The following TAFA1 variants were observed in gnomAD, a reference collection of about 807,000 sequenced individuals.
The protein encoded by TAFA1 is TAFA chemokine like family member 1, also known as chemokine-like protein TAFA-1.
TAFA1 carries 4 observed loss-of-function variants against 18.5 expected under a neutral mutation model. The ratio of observed to expected loss-of-function variants is 0.22; its 90% CI spans 0.11 to 0.49. The LOEUF is 0.49. TAFA1 is among the 20% of genes least tolerant of loss of function. The probability of loss-of-function intolerance (pLI) is 0.98; values close to 1 mark genes in which losing one functional copy is unlikely to be tolerated. For missense variants in TAFA1, 147 were observed against 169.0 expected (o/e 0.87, Z 0.72); for synonymous variants, 56 against 55.2 (o/e 1.01, Z -0.06).
chr3:68,193,769 C>G (rs951656040), intron 2 of TAFA1, among the ~76,000 whole-genome samples: 4 of 151,674 alleles, frequency 2.6e-5, no homozygotes, highest in Admixed American at 6.6e-5. Flanking sequence ...GAACAGGTCT[C>G]TTCTGTATCT....
At chr3:68,365,143 C>T (rs938764931) in intron 2 of TAFA1, among the ~76,000 whole-genome samples, 13 of 152,110 alleles carry the variant, frequency 8.5e-5, no homozygotes, top group African/African-American at 2.7e-4. Flanking sequence ...ATTATCACTT[C>T]GTATACATTG....
intron 2 of TAFA1, among the ~76,000 whole-genome samples, chr3:68,407,701 C>T (rs888672887): frequency 1.3e-5 from 2 of 152,058 alleles, no homozygotes; most frequent in Non-Finnish European, 2.9e-5. Context: ...AAGCAGCAGA[C>T]CCAGGACTTG....
At chr3:68,183,875 C>A (rs545366943) in intron 2 of TAFA1, among the ~76,000 whole-genome samples, 22 of 152,216 alleles carry the variant, frequency 1.4e-4, no homozygotes, top group Non-Finnish European at 3.1e-4. Flanking sequence ...AAAATGAATG[C>A]ACAGATGTGT....
chr3:68,170,165 G>C (rs1265144108), intron 2 of TAFA1, among the ~76,000 whole-genome samples: 1 of 152,120 alleles, frequency 6.6e-6, no homozygotes, highest in Admixed American at 6.5e-5. Context: ...CCTGTCCTCA[G>C]ATCTGCAGTA....
intron 2 of TAFA1, among the ~76,000 whole-genome samples, chr3:68,097,832 G>A (rs532276580): frequency 6.6e-6 from 1 of 152,254 alleles, no homozygotes; most frequent in South Asian, 2.1e-4. Context: ...TTCCTGCAGG[G>A]AAGGGAATAA....
chr3:68,441,354 G>A (rs2071376639), intron 3 of TAFA1, among the ~76,000 whole-genome samples: 1 of 152,116 alleles, frequency 6.6e-6, no homozygotes, highest in South Asian at 2.1e-4. Flanking sequence ...GGAGCCTCTG[G>A]CAAGCCCCCA....
At chr3:68,051,188 G>C (rs1218057791) in intron 2 of TAFA1, among the ~76,000 whole-genome samples, 1 of 152,066 alleles carries the variant, frequency 6.6e-6, no homozygotes, top group African/African-American at 2.4e-5. Flanking sequence ...CCATATGCTA[G>C]GCTTAGAGTA....
At chr3:67,994,097 A>G in the TAFA1 span, among the ~76,000 whole-genome samples, 2 of 152,316 alleles carry the variant, frequency 1.3e-5, no homozygotes, top group East Asian at 1.9e-4. Context: ...AATTGTATCT[A>G]TAAGTTTTGG....
intron 3 of TAFA1, among the ~76,000 whole-genome samples, chr3:68,446,154 A>G (rs1328040685): frequency 1.3e-5 from 2 of 151,950 alleles, no homozygotes; most frequent in African/African-American, 2.4e-5. Context: ...ACGTCCTCCC[A>G]CCTCAGCCTT....
chr3:68,115,603 G>T (rs1314601427), intron 2 of TAFA1, among the ~76,000 whole-genome samples: 1 of 152,124 alleles, frequency 6.6e-6, no homozygotes, highest in African/African-American at 2.4e-5. Context: ...ATTAGCTAAG[G>T]TGCTCCTTAG....
chr3:68,373,102 C>T (rs1336165058), intron 2 of TAFA1, among the ~76,000 whole-genome samples: 1 of 152,098 alleles, frequency 6.6e-6, no homozygotes, highest in Non-Finnish European at 1.5e-5. Context: ...GGTGCAATTC[C>T]AGCCCCTAAC....
chr3:68,411,859 G>A (rs567812566), intron 2 of TAFA1, among the ~76,000 whole-genome samples: 14 of 152,158 alleles, frequency 9.2e-5, no homozygotes, highest in African/African-American at 1.7e-4. Context: ...AAATTGCTCC[G>A]TTTGACTGTC....
chr3:68,491,215 T>C (rs2072446602), intron 3 of TAFA1, among the ~76,000 whole-genome samples: 1 of 152,166 alleles, frequency 6.6e-6, no homozygotes. Context: ...TTATAAAACA[T>C]GCTGCTGTAA....
chr3:68,110,377 T>C (rs868308272), intron 2 of TAFA1, among the ~76,000 whole-genome samples: 1 of 152,218 alleles, frequency 6.6e-6, no homozygotes, highest in South Asian at 2.1e-4. Context: ...CAGTCTATCA[T>C]TGATGGGCAT....
intron 2 of TAFA1, among the ~76,000 whole-genome samples, chr3:68,060,465 A>G (rs1033774329): frequency 6.6e-6 from 1 of 152,300 alleles, no homozygotes; most frequent in South Asian, 2.1e-4. Context: ...GTTTTAGGCC[A>G]TAACACTTTA....
chr3:68,068,649 T>A (rs2064713749), intron 2 of TAFA1, among the ~76,000 whole-genome samples: 5 of 152,226 alleles, frequency 3.3e-5, no homozygotes, highest in Admixed American at 3.3e-4. Flanking sequence ...CACAAACTTC[T>A]TATTTCCTTC....
At chr3:68,343,562 A>G (rs1043664736) in intron 2 of TAFA1, among the ~76,000 whole-genome samples, 1 of 152,204 alleles carries the variant, frequency 6.6e-6, no homozygotes, top group Non-Finnish European at 1.5e-5. Context: ...CATGGATACT[A>G]CAGTGATCTC....
At chr3:68,174,010 A>G (rs1478037738) in intron 2 of TAFA1, among the ~76,000 whole-genome samples, 1 of 152,228 alleles carries the variant, frequency 6.6e-6, no homozygotes, top group Non-Finnish European at 1.5e-5. Context: ...AAACAGTGCA[A>G]TGATAACTAA....
chr3:68,016,340 C>T (rs1165183662), intron 2 of TAFA1, among the ~76,000 whole-genome samples: 1 of 152,128 alleles, frequency 6.6e-6, no homozygotes, highest in African/African-American at 2.4e-5. Flanking sequence ...TTTTACCGTA[C>T]CTTTTCTAGG....
Sources: allele counts gnomAD v4.1 joint callset (sites outside exome capture counted in the v4.1 genomes callset), GRCh38; gene constraint gnomAD v4.1.1; transcripts MANE v1.5; gene names NCBI Gene and HGNC (gene_info 2026-07-23, HGNC 2026-07-21).